KIF26A: variants seen among roughly 807,000 people sequenced by gnomAD.
KIF26A encodes kinesin-like protein KIF26A.
A neutral mutation model predicts 126.0 loss-of-function variants in KIF26A; 74 were observed. The observed-to-expected ratio is 0.59, with a 90% CI of 0.49 to 0.71. The LOEUF (loss-of-function observed/expected upper bound fraction) is 0.71, where lower values mean the gene tolerates loss of function less well. KIF26A is among the 30% of genes least tolerant of loss of function. The probability of loss-of-function intolerance (pLI) is 0.00; values close to 1 mark genes in which losing one functional copy is unlikely to be tolerated. For synonymous variants in KIF26A, 1,445 were observed against 1,232.7 expected (o/e 1.17, Z -3.61); for missense variants, 2,984 against 2,763.3 (o/e 1.08, Z -1.79).
In KIF26A at chr14:104,179,237, G is replaced by A; in HGVS notation, c.5318G>A (p.Gly1773Asp). 6.7e-7 allele frequency: 1 copy of A among 1,483,624 alleles called. No homozygotes were observed. Among genetic ancestry groups the A allele is most frequent in the Non-Finnish European group, 8.9e-7 (1 of 1,121,682 alleles). 91.9% of individuals were successfully genotyped at this position (1,483,624 alleles called of 1,614,324 possible). ...GCCCCCGCCCGCCCTGCCTCCCAGG[G>A]TCTGGCGTGCGTCAGTACAAGGCTG... ...RPTPREAPTQ[G>D]LACVSTRLRL... The change falls in exon 14 of 15, where the codon GGT becomes GAT. Residue 1773 changes from glycine (G) to aspartate (D), a missense_variant and splice_region_variant. Physicochemically the swap from Gly to Asp is moderately conservative, Grantham distance 94. Coordinates refer to ENST00000423312, the MANE Select transcript of KIF26A (RefSeq NM_015656.2).
Position 104,176,448 on chromosome 14 carries a change from C to G in KIF26A, c.3660C>G (p.Thr1220=), listed in dbSNP as rs1253051616. ...GGAAACCGAGGACTGCCTCTGCCAC[C>G]ACCCGTGTGGGCTGTGCTCGCCTGG... ...LPRKPRTASA[T]TRVGCARLGQ... The change falls in exon 12 of 15, where the codon ACC becomes ACG. Residue 1220 remains threonine (T), a synonymous_variant. Transcript: ENST00000423312. 1 of 1,602,546 alleles carries G rather than the reference C, an allele frequency of 6.2e-7. No individual in the cohort carries two copies. The highest frequency in any genetic ancestry group is 8.5e-7 in the Non-Finnish European group (1 of 1,174,898).
chr14:104,144,599 TA>T (rs1343209562), intron 2 of KIF26A, among the ~76,000 whole-genome samples: 1 of 152,220 alleles, frequency 6.6e-6, no homozygotes. Context: ...TTCCCTTAAG[TA>T]ACAAAGAAAG....
rs1055638266 is a variant in KIF26A at position 104,151,459 on chromosome 14, G to A, written c.289-556G>A. On this transcript the variant is annotated intron_variant, in intron 2 of 14. Transcript: ENST00000423312. The surrounding 1 kb of genome is among the most constrained non-coding windows in gnomAD (Gnocchi z 4.9). ...TCTTGCGCCCCTTCGGTGAGCTCATGTGCCCTCTAGGAGCGTCTCCGAGGG... is the reference window on the plus strand; with the variant it reads ...TCTTGCGCCCCTTCGGTGAGCTCATATGCCCTCTAGGAGCGTCTCCGAGGG... 1.3e-5 allele frequency among the ~76,000 whole-genome samples: 2 copies of A among 152,202 alleles called. No homozygotes were observed. Among genetic ancestry groups the A allele is most frequent in the African/African-American group, 2.4e-5 (1 of 41,418 alleles).
chr14:104,140,071 A>G (rs2037623409), intron 2 of KIF26A, among the ~76,000 whole-genome samples: 1 of 152,206 alleles, frequency 6.6e-6, no homozygotes, highest in Non-Finnish European at 1.5e-5. Context: ...TTCAGCCTTT[A>G]TGAAAGAGTT....
At chr14:104,166,308 C>T (rs1438783844) in intron 4 of KIF26A, among the ~76,000 whole-genome samples, 1 of 152,080 alleles carries the variant, frequency 6.6e-6, no homozygotes, top group Non-Finnish European at 1.5e-5. Context: ...ATTAATTGAG[C>T]CCTTCCTGTA....
intron 4 of KIF26A, among the ~76,000 whole-genome samples, chr14:104,160,152 C>T (rs985577953): frequency 2.6e-5 from 4 of 152,306 alleles, no homozygotes; most frequent in African/African-American, 4.8e-5. Flanking sequence ...GCACGGGACC[C>T]GTGTAGCAGT....
At position 104,177,581 on chromosome 14, in the gene KIF26A, TG is replaced by T; in HGVS notation, c.4798del (p.Glu1600ArgfsTer17). 1 of 1,534,332 alleles carries T rather than the reference TG, an allele frequency of 6.5e-7. No homozygotes were observed. The highest frequency in any genetic ancestry group is 1.4e-5 in the African/African-American group (1 of 72,706). ...AGCGGCCATGACAGCGGCGTGAACG[TG>T]GGGGAGGAGCGGCCACCCACGGGCC... ...SDSGHDSGVN[V>X]GEERPPTGPA... On this transcript the variant is annotated frameshift_variant, in exon 12 of 15. Coordinates refer to ENST00000423312, the MANE Select transcript of KIF26A (RefSeq NM_015656.2). LOFTEE classifies it high-confidence loss of function.
At chr14:104,157,682 C>A in intron 3 of KIF26A, 73 bp from the exon 4 acceptor site, 1 of 1,490,578 alleles carries the variant, frequency 6.7e-7, no homozygotes, top group South Asian at 1.3e-5. Context: ...CCTGTCTCTC[C>A]CACTCCGGGT....
chr14:104,143,091 G>A (rs895857535), intron 2 of KIF26A, among the ~76,000 whole-genome samples: 7 of 152,234 alleles, frequency 4.6e-5, no homozygotes, highest in South Asian at 2.1e-4. Flanking sequence ...CGTCAGTACC[G>A]GTGCTGAATT....
At chr14:104,138,988 T>G (rs564155090) in intron 1 of KIF26A, 55 bp from the exon 2 acceptor site, 5 of 1,322,194 alleles carry the variant, frequency 3.8e-6, no homozygotes, top group South Asian at 4.3e-5. Flanking sequence ...CGCAGGGGTC[T>G]GGATCCGACG....
In KIF26A at chr14:104,164,364, G is replaced by A. The variant is rs367920738; in HGVS notation, c.924-2495G>A. Among the ~76,000 whole-genome samples, 8 of 152,282 alleles carry A rather than the reference G, an allele frequency of 5.3e-5. No individual in the cohort carries two copies. The East Asian group carries it at 1.5e-3, about 29-fold the overall frequency. ...CGGGTGGCATCCTGGCCTCTGGCCC[G>A]CGTGGGAGCGCCTCCTGTTGGGAGG... is the stretch of plus-strand genomic sequence containing the variant. On this transcript the variant is annotated intron_variant, in intron 4 of 14. Transcript: ENST00000423312.
At chr14:104,145,713 C>T (rs191937912) in intron 2 of KIF26A, among the ~76,000 whole-genome samples, 9 of 152,316 alleles carry the variant, frequency 5.9e-5, no homozygotes, top group South Asian at 2.1e-4. Context: ...CTTCGGTTCA[C>T]GGCTGTAGCC....
chr14:104,145,849 C>T (rs545450208), intron 2 of KIF26A, among the ~76,000 whole-genome samples: 1 of 152,246 alleles, frequency 6.6e-6, no homozygotes, highest in East Asian at 1.9e-4. Flanking sequence ...CTCCTGCTCT[C>T]GTCCCTAGGG....
chr14:104,174,003 G>T, intron 10 of KIF26A, 135 bp downstream of exon 10: 1 of 1,392,290 alleles, frequency 7.2e-7, no homozygotes. Flanking sequence ...GACAGGCCTC[G>T]CTGCCCGTGG....
In KIF26A at chr14:104,175,096, C is replaced by T; in HGVS notation, c.2308C>T (p.Pro770Ser). 1.9e-6 allele frequency: 3 copies of T among 1,602,112 alleles called. No homozygotes were observed. The highest frequency in any genetic ancestry group is 2.6e-6 in the Non-Finnish European group (3 of 1,175,800). Residue 770 changes from proline (P) to serine (S), a missense_variant, in exon 12 of 15, where the codon CCT becomes TCT. Transcript: ENST00000423312. The part of the protein sequence containing the change: ...RTVALDPDRT[P>S]PCLPGDPDYS... ...TGTGGCCCTGGACCCCGACCGCACG[C>T]CTCCCTGCCTGCCCGGTGACCCCGA...
chr14:104,154,889 C>A (rs2037762394), intron 3 of KIF26A, among the ~76,000 whole-genome samples: 1 of 152,196 alleles, frequency 6.6e-6, no homozygotes, highest in African/African-American at 2.4e-5. Context: ...TTGGGTGGCA[C>A]CGGCTTGGGG....
At position 104,152,218 on chromosome 14, in the gene KIF26A, C is replaced by T; in HGVS notation, c.492C>T (p.Pro164=). 6.2e-7 allele frequency: 1 copy of T among 1,601,748 alleles called. No homozygotes were observed. The highest frequency in any genetic ancestry group is 8.5e-7 in the Non-Finnish European group (1 of 1,175,910). ...APHGGPSLAP[P]STTTSSRDTP... The stretch of plus-strand genomic sequence containing the variant: ...ATGGAGGCCCCAGCCTCGCACCCCC[C>T]AGCACCACGACCAGCTCGAGGGACA... The change falls in exon 3 of 15, where the codon CCC becomes CCT. Residue 164 remains proline, a synonymous_variant. Coordinates refer to ENST00000423312, the MANE Select transcript of KIF26A (RefSeq NM_015656.2). The surrounding 1 kb of genome is among the most constrained non-coding windows in gnomAD (Gnocchi z 5.9).
rs779755557 is a variant in KIF26A, at chr14:104,152,125, G to A, written c.399G>A (p.Gln133=). ...GTGACGTCTGCGCCACACACCTGCA[G>A]CAGCTCACACGGGAGGCCATGCACC... ...RRCDVCATHL[Q]QLTREAMHLL... Residue 133 remains glutamine, a synonymous_variant, in exon 3 of 15, where the codon CAG becomes CAA. Coordinates refer to ENST00000423312, the MANE Select transcript of KIF26A (RefSeq NM_015656.2). The surrounding 1 kb of genome is among the most constrained non-coding windows in gnomAD (Gnocchi z 5.9). 21 of 1,612,114 alleles carry A rather than the reference G, an allele frequency of 1.3e-5. No individual in the cohort carries two copies. The Admixed American group carries it at 3.2e-4, about 24-fold the overall frequency.
Position 104,138,756 on chromosome 14 carries a change from C to T in KIF26A, c.34C>T (p.Gln12Ter). ...CCGCGGCGTCCCTCTGTGCGCTGCGCAGCCCGCGGTACGCGCGGCCCGGCC... is the reference window on the plus strand; with the variant it reads ...CCGCGGCGTCCCTCTGTGCGCTGCGTAGCCCGCGGTACGCGCGGCCCGGCC... ...VGRGVPLCAA[Q>*]PAVAEGGPAR... is the part of the protein sequence containing the mutation. Residue 12 changes from glutamine to a stop codon, truncating the protein, a stop_gained, in exon 1 of 15, where the codon CAG becomes TAG. Coordinates refer to ENST00000423312, the MANE Select transcript of KIF26A (RefSeq NM_015656.2). LOFTEE classifies it high-confidence loss of function. 2.4e-6 allele frequency: 3 copies of T among 1,260,952 alleles called. No homozygotes were observed. Among genetic ancestry groups the T allele is most frequent in the Non-Finnish European group, 3.0e-6 (3 of 1,005,826 alleles). 78.1% of individuals were successfully genotyped at this position (1,260,952 alleles called of 1,614,324 possible). A position where few individuals can be genotyped will look rare whatever the true frequency, so the allele number is the denominator to read the frequency against.
Sources: gnomAD v4.1 joint callset for allele counts (sites outside exome capture counted in the v4.1 genomes callset) on GRCh38, gnomAD v4.1.1 for gene constraint, Gnocchi (gnomAD v3.1) non-coding constraint, MANE v1.5 for transcripts, NCBI Gene and HGNC (gene_info 2026-07-23, HGNC 2026-07-21) for gene names.